RECQL5: variants seen among roughly 807,000 people sequenced by gnomAD.
The protein encoded by RECQL5 is RecQ like helicase 5.
A neutral mutation model predicts 103.4 loss-of-function variants in RECQL5; 88 were observed. The ratio of observed to expected loss-of-function variants is 0.85; its 90% CI spans 0.72 to 1.02. The LOEUF (loss-of-function observed/expected upper bound fraction) is 1.02, where lower values mean the gene tolerates loss of function less well. RECQL5 is among the 50% of genes least tolerant of loss of function. RECQL5 has a pLI of 0.00. For synonymous variants in RECQL5, 552 were observed against 507.9 expected, an observed-to-expected ratio of 1.09 and a Z score of -1.17; for missense variants, 1,232 against 1,284.3, an observed-to-expected ratio of 0.96 and a Z score of 0.62.
intron 2 of RECQL5, 68 bp downstream of exon 2, chr17:75,666,360 G>A: frequency 6.4e-7 from 1 of 1,560,406 alleles, no homozygotes. Flanking sequence ...GTGAGGAGGA[G>A]GGTGTTCTGC....
At chr17:75,628,468 A>C in intron 17 of RECQL5, 26 bp from the exon 18 acceptor site, 2 of 1,605,836 alleles carry the variant, frequency 1.2e-6, no homozygotes, top group Non-Finnish European at 1.7e-6. Flanking sequence ...GCAGAGGGTC[A>C]CTCCTGAGCT....
At chr17:75,659,780 G>A (rs932980329) in intron 6 of RECQL5, among the ~76,000 whole-genome samples, 9 of 152,186 alleles carry the variant, frequency 5.9e-5, no homozygotes, top group Non-Finnish European at 1.3e-4. Context: ...AACATGCTCC[G>A]TAAATCATAC....
At chr17:75,628,188 G>C (rs370487710) in intron 18 of RECQL5, 30 bp downstream of exon 18, 15 of 1,579,586 alleles carry the variant, frequency 9.5e-6, no homozygotes, top group Middle Eastern at 1.7e-4. Context: ...CCAGGCATGG[G>C]AGAAGGCAGA....
intron 6 of RECQL5, 48 bp downstream of exon 6, chr17:75,660,907 C>A: frequency 7.0e-7 from 1 of 1,423,652 alleles, no homozygotes; most frequent in Non-Finnish European, 9.9e-7. Context: ...GGCAATCCAC[C>A]CTGAGCCAGG....
intron 7 of RECQL5, 56 bp from the exon 8 acceptor site, chr17:75,651,321 C>T (rs372257217): frequency 1.9e-6 from 3 of 1,604,638 alleles, no homozygotes; most frequent in East Asian, 4.5e-5. Context: ...TACCTTAGAG[C>T]CACAAAAAGT....
At chr17:75,647,733 T>A in intron 8 of RECQL5, 1 of 673,502 alleles carries the variant, frequency 1.5e-6, no homozygotes, top group Non-Finnish European at 2.5e-6. Flanking sequence ...TTAGGGTTGG[T>A]CAGACTAGTA....
intron 8 of RECQL5, among the ~76,000 whole-genome samples, chr17:75,645,597 C>T (rs931237523): frequency 1.3e-5 from 2 of 152,212 alleles, no homozygotes; most frequent in Non-Finnish European, 2.9e-5. Context: ...GAGCTGCACG[C>T]AAAGGGTGAG....
Position 75,631,629 on chromosome 17 carries a change from C to T in RECQL5, c.1269G>A (p.Ala423=), listed in dbSNP as rs773349066. Residue 423 remains alanine (A), a synonymous_variant, in exon 9 of 20, where the codon GCG becomes GCA. Coordinates refer to ENST00000317905, the MANE Select transcript of RECQL5 (RefSeq NM_004259.7). ...CGCAGCCTTTGGCGCAGGCAGGCAG[C>T]GCATCCCCGAAGTACTTGGCAATGG... ...HAAIAKYFGD[A]LPACAKGCDH... is the part of the protein sequence containing the mutation. The T allele has an allele frequency of 6.2e-6, 10 of 1,612,036 alleles. No individual in the cohort carries two copies. In the East Asian group the frequency reaches 1.1e-4, roughly 18 times the overall value.
intron 8 of RECQL5, among the ~76,000 whole-genome samples, chr17:75,643,735 G>A (rs886746709): frequency 1.3e-5 from 2 of 152,204 alleles, no homozygotes; most frequent in Non-Finnish European, 1.5e-5. Flanking sequence ...CAGCCATCAG[G>A]CTGGTTTCAG....
chr17:75,634,261 G>T, intron 8 of RECQL5: 1 of 985,320 alleles, frequency 1.0e-6, no homozygotes, highest in Non-Finnish European at 1.2e-6. Context: ...AGGGTCCCCT[G>T]CCCCCAGGGT....
intron 8 of RECQL5, among the ~76,000 whole-genome samples, chr17:75,644,317 A>G (rs1487729845): frequency 1.3e-5 from 2 of 151,932 alleles, no homozygotes; most frequent in African/African-American, 2.4e-5. Context: ...GCAAACAAAC[A>G]AAAAACAACA....
chr17:75,628,742 T>G lies in RECQL5; in HGVS notation c.2510A>C (p.Gln837Pro). ...ERPSTCPPRD[Q>P]GTPEVQPTPA... ...GGTGGGCTGGACTTCAGGGGTGCCC[T>G]GGTCTCTGGGCGGGCAGGTGCTGGT... Residue 837 changes from glutamine to proline, a missense_variant, in exon 17 of 20, where the codon CAG becomes CCG. Coordinates refer to ENST00000317905, the MANE Select transcript of RECQL5 (RefSeq NM_004259.7). The G allele has an allele frequency of 6.3e-7, 1 of 1,592,804 alleles. No homozygotes were observed. The highest frequency in any genetic ancestry group is 1.1e-5 in the South Asian group (1 of 87,642).
intron 16 of RECQL5, 77 bp from the exon 17 acceptor site, chr17:75,628,839 T>C (rs759711377): frequency 1.9e-6 from 3 of 1,596,344 alleles, no homozygotes; most frequent in Non-Finnish European, 2.6e-6. Context: ...GGAGAGCCCA[T>C]CTCAGGGGTG....
At position 75,627,356 on chromosome 17, in the gene RECQL5, T is replaced by G; in HGVS notation, c.*66A>C. ...AGACGATGGCCCTGGCATCAGCAGG[T>G]GAGGCCCAGGATGACCCATGCTAGA... is the stretch of plus-strand genomic sequence containing the variant. On this transcript the variant is annotated 3_prime_UTR_variant, in exon 20 of 20. Transcript: ENST00000317905. 1 of 1,212,372 alleles carries G rather than the reference T, an allele frequency of 8.2e-7. No homozygotes were observed. The highest frequency in any genetic ancestry group is 2.3e-5 in the East Asian group (1 of 42,930). The allele number at this position is 1,212,372 out of a possible 1,614,324, so 75.1% of individuals were successfully genotyped here.
chr17:75,665,114 C>G lies in RECQL5; in HGVS notation c.189G>C (p.Gln63His), dbSNP rs766120357. ...PTGAGKSLCY[Q>H]LPALLAKGIT... The stretch of plus-strand genomic sequence containing the variant: ...TGCCTTTGGCCAACAGAGCAGGGAG[C>G]TGATAGCATAGGGATTTTCCTGCCC... Residue 63 changes from glutamine (Q) to histidine (H), a missense_variant, in exon 3 of 20, where the codon CAG (glutamine) becomes CAC (histidine). Gln to His is a conservative substitution (Grantham distance 24, BLOSUM62 0). Transcript: ENST00000317905. The G allele has an allele frequency of 3.7e-6, 6 of 1,612,052 alleles. No individual in the cohort carries two copies.
chr17:75,658,546 G>T, intron 6 of RECQL5, 86 bp from the exon 7 acceptor site: 1 of 1,283,672 alleles, frequency 7.8e-7, no homozygotes, highest in Admixed American at 1.9e-5. Context: ...GGAGAGCAGG[G>T]AGGCCAGCAG....
At chr17:75,631,081 A>G in intron 10 of RECQL5, 69 bp downstream of exon 10, 1 of 1,609,368 alleles carries the variant, frequency 6.2e-7, no homozygotes, top group East Asian at 2.2e-5. Context: ...AGCACCAGAG[A>G]AGGGGCTGAG....
chr17:75,662,299 G>A (rs2059710016), intron 4 of RECQL5, among the ~76,000 whole-genome samples, 180 bp downstream of exon 4: 1 of 152,206 alleles, frequency 6.6e-6, no homozygotes, highest in South Asian at 2.1e-4. Flanking sequence ...TCCAGAACAA[G>A]GAAACCCTGG....
At chr17:75,635,075 A>AC (rs1198558991) in intron 8 of RECQL5, among the ~76,000 whole-genome samples, 1 of 151,628 alleles carries the variant, frequency 6.6e-6, no homozygotes, top group African/African-American at 2.4e-5. Flanking sequence ...TAAAGCCACC[A>AC]CCCCCCATAT....
Sources: allele counts gnomAD v4.1 joint callset (sites outside exome capture counted in the v4.1 genomes callset), GRCh38; gene constraint gnomAD v4.1.1; transcripts MANE v1.5; gene names NCBI Gene and HGNC (gene_info 2026-07-23, HGNC 2026-07-21).